Variants in CMC2 observed in about 807,000 individuals in gnomAD.
CMC2 encodes the protein COX assembly mitochondrial protein 2 homolog.
In CMC2, 5 loss-of-function variants were observed where a neutral mutation model predicts 7.5. The ratio of observed to expected loss-of-function variants is 0.66; its 90% CI spans 0.35 to 1.40. The LOEUF (loss-of-function observed/expected upper bound fraction) is 1.40, where lower values mean the gene tolerates loss of function less well. CMC2 is among the 40% of genes most tolerant of loss of function. CMC2 has a pLI of 0.04. For missense variants in CMC2, 115 were observed against 92.3 expected (o/e 1.25, Z -1.01); for synonymous variants, 37 against 31.4 (o/e 1.18, Z -0.60).
intron 1 of CMC2, chr16:81,001,168 G>T (rs1374755174): frequency 6.6e-6 from 1 of 152,162 alleles, no homozygotes; most frequent in Admixed American, 6.5e-5. Flanking sequence ...CATAAAGATG[G>T]CAACAAAAGA....
At chr16:80,978,462 C>T in intron 3 of CMC2, 1 of 997,582 alleles carries the variant, frequency 1.0e-6, no homozygotes, top group Admixed American at 2.5e-5. Flanking sequence ...ACTCACAAAA[C>T]TCAATCAAAC....
intron 1 of CMC2, among the ~76,000 whole-genome samples, chr16:81,005,233 C>T (rs1457733295): frequency 2.0e-5 from 3 of 152,106 alleles, no homozygotes; most frequent in Non-Finnish European, 4.4e-5. Flanking sequence ...CAAGCCTGGC[C>T]AACATGGTGA....
intron 2 of CMC2, among the ~76,000 whole-genome samples, chr16:80,986,555 G>A (rs1175789624): frequency 3.9e-5 from 6 of 152,084 alleles, no homozygotes; most frequent in Non-Finnish European, 7.4e-5. Flanking sequence ...AAACAAAACC[G>A]CCAGGAGACC....
rs1912117791 is a variant in CMC2 at position 80,974,162 on chromosome 16, C to G, written c.*1931G>C. ...TCAAATGCCTGAGACATCCTAGACA[C>G]TTCCTTAAACCCTACACCTAGTCAG... is the stretch of plus-strand genomic sequence containing the variant. On this transcript the variant is annotated 3_prime_UTR_variant, in exon 4 of 4. Transcript: ENST00000219400. 6.6e-6 allele frequency: 1 copy of G among 152,338 alleles called. No individual in the cohort carries two copies. The highest frequency in any genetic ancestry group is 1.5e-5 in the Non-Finnish European group (1 of 68,094). The allele number at this position is 152,338 out of a possible 1,614,324, so 9.4% of individuals were successfully genotyped here.
rs766956903 is a variant in CMC2 at position 80,981,835 on chromosome 16, G to A, written c.124C>T (p.Arg42Trp). 3.2e-5 allele frequency: 52 copies of A among 1,609,620 alleles called. No homozygotes were observed. Among genetic ancestry groups the A allele is most frequent in the East Asian group, 9.0e-5 (4 of 44,684 alleles). ...KFFGYCNDVD[R>W]ELRKCLKNEY... ...TTCTTCAGGCATTTTCTCAACTCCC[G>A]ATCAACATCATTACAATAACCAAAA... Residue 42 changes from arginine to tryptophan, a missense_variant, in exon 3 of 4, where the codon CGG (arginine) becomes TGG (tryptophan). Arg to Trp is a moderately radical substitution (Grantham distance 101). Coordinates refer to ENST00000219400, the MANE Select transcript of CMC2 (RefSeq NM_020188.5).
At chr16:80,976,689 C>T (rs1350746602) in intron 3 of CMC2, among the ~76,000 whole-genome samples, 1 of 152,164 alleles carries the variant, frequency 6.6e-6, no homozygotes, top group Non-Finnish European at 1.5e-5. Flanking sequence ...GAGAGGTAGC[C>T]TGTCTAACTG....
chr16:81,004,727 T>C (rs1969122072), intron 1 of CMC2, among the ~76,000 whole-genome samples: 1 of 152,192 alleles, frequency 6.6e-6, no homozygotes, highest in Admixed American at 6.5e-5. Context: ...ATATAAAAAT[T>C]ATAGCTTTCT....
chr16:80,992,552 A>G (rs1390508301), intron 2 of CMC2, among the ~76,000 whole-genome samples: 1 of 152,166 alleles, frequency 6.6e-6, no homozygotes, highest in African/African-American at 2.4e-5. Flanking sequence ...GCAGATAAGT[A>G]ATGGTATGTT....
At chr16:80,978,062 G>T (rs1259632929) in intron 3 of CMC2, among the ~76,000 whole-genome samples, 1 of 121,270 alleles carries the variant, frequency 8.2e-6, no homozygotes, top group South Asian at 2.4e-4. Context: ...ACAAGAGTGA[G>T]ACTTCGTCTC....
At chr16:80,997,472 T>C in intron 1 of CMC2, 43 bp from the exon 2 acceptor site, 2 of 989,064 alleles carry the variant, frequency 2.0e-6, no homozygotes, top group Non-Finnish European at 3.2e-6. Flanking sequence ...AACACATTTG[T>C]TACGCCACCT....
intron 1 of CMC2, among the ~76,000 whole-genome samples, chr16:81,001,910 T>C (rs936855552): frequency 6.6e-6 from 1 of 152,114 alleles, no homozygotes; most frequent in Non-Finnish European, 1.5e-5. Context: ...TAGTTAAGTA[T>C]TCATTTGAAA....
chr16:80,974,665 T>C lies in CMC2; in HGVS notation c.*1428A>G, dbSNP rs1912150762. The C allele has an allele frequency of 6.6e-6, 1 of 152,272 alleles. No individual in the cohort carries two copies. Among genetic ancestry groups the C allele is most frequent in the South Asian group, 2.1e-4 (1 of 4,832 alleles). The allele number at this position is 152,272 out of a possible 1,614,324, so 9.4% of individuals were successfully genotyped here. On this transcript the variant is annotated 3_prime_UTR_variant, in exon 4 of 4. Coordinates refer to ENST00000219400, the MANE Select transcript of CMC2 (RefSeq NM_020188.5). ...TGAAAGTCCTCTGTCTTCTATGACA[T>C]CTACCTAATCATGGCACTTTGATGA...
In CMC2 at chr16:80,979,005, C is replaced by T. The variant is rs34984547; in HGVS notation, c.153+2801G>A. Among the ~76,000 whole-genome samples, 1,207 of 151,904 alleles carry T rather than the reference C, an allele frequency of 7.9e-3. 20 individuals are homozygous for T. The highest frequency in any genetic ancestry group is 0.05 in the East Asian group (259 of 5,156). Reference sequence around the variant, plus strand: ...CTGAGGCAGGAGAATGGCGTGAACCCGGGAGGAGGAGCTTGCAGTGGGCTG... The same window carrying T: ...CTGAGGCAGGAGAATGGCGTGAACCTGGGAGGAGGAGCTTGCAGTGGGCTG... On this transcript the variant is annotated intron_variant, in intron 3 of 3. Transcript: ENST00000219400.
chr16:80,988,830 A>G (rs1184537724), intron 2 of CMC2, among the ~76,000 whole-genome samples: 2 of 152,022 alleles, frequency 1.3e-5, no homozygotes, highest in East Asian at 3.9e-4. Flanking sequence ...ACTCTAAACA[A>G]TATTTTTCTT....
At chr16:80,978,000 AG>A (rs1320713090) in intron 3 of CMC2, among the ~76,000 whole-genome samples, 2 of 150,412 alleles carry the variant, frequency 1.3e-5, no homozygotes, top group African/African-American at 2.5e-5. Flanking sequence ...TGAATCCAGA[AG>A]GAGGAGGTTG....
chr16:80,992,719 T>G (rs199518461), intron 2 of CMC2, among the ~76,000 whole-genome samples: 1,948 of 135,122 alleles, frequency 0.014, 21 homozygotes, highest in Middle Eastern at 0.046. Flanking sequence ...TTTTTTTTTT[T>G]TTTGTGTAAA....
chr16:80,979,241 C>G (rs1296679630), intron 3 of CMC2, among the ~76,000 whole-genome samples: 1 of 152,052 alleles, frequency 6.6e-6, no homozygotes, highest in East Asian at 1.9e-4. Context: ...AGAAAAACAT[C>G]TACAAATTAG....
At chr16:80,992,981 T>G (rs1034324216) in intron 2 of CMC2, among the ~76,000 whole-genome samples, 3 of 152,164 alleles carry the variant, frequency 2.0e-5, no homozygotes, top group Non-Finnish European at 2.9e-5. Context: ...GGGTCCTTAC[T>G]TAGGCACACT....
intron 3 of CMC2, chr16:80,980,870 G>A: frequency 1.4e-6 from 1 of 698,838 alleles, no homozygotes; most frequent in Non-Finnish European, 2.6e-6. Flanking sequence ...TTAGGTGACA[G>A]AGCAAGAACC....
Sources: allele counts gnomAD v4.1 joint callset (sites outside exome capture counted in the v4.1 genomes callset), GRCh38; gene constraint gnomAD v4.1.1; transcripts MANE v1.5; gene names NCBI Gene and HGNC (gene_info 2026-07-23, HGNC 2026-07-21).